Variants in RNF212 observed in about 807,000 individuals in gnomAD.
The protein encoded by RNF212 is probable E3 SUMO-protein ligase RNF212.
RNF212 carries 33 observed loss-of-function variants against 34.7 expected under a neutral mutation model. The observed-to-expected ratio is 0.95, with a 90% CI of 0.72 to 1.27. The LOEUF is 1.27. Among genes scored for constraint, RNF212 ranks in the 50% most tolerant of loss-of-function variants. The pLI is 0.00. For missense variants in RNF212, 377 were observed against 362.2 expected, an observed-to-expected ratio of 1.04 and a Z score of -0.33; for synonymous variants, 140 against 136.1, an observed-to-expected ratio of 1.03 and a Z score of -0.20.
At chr4:1,067,878 A>G (rs2153034214), downstream of RNF212, among the ~76,000 whole-genome samples, 1 of 152,198 alleles carries the variant, frequency 6.6e-6, no homozygotes, top group African/African-American at 2.4e-5. Flanking sequence ...AAAAAAAAAA[A>G]AAAAAAAGAA....
intron 1 of RNF212, among the ~76,000 whole-genome samples, chr4:1,109,122 C>T: frequency 6.6e-6 from 1 of 151,608 alleles, no homozygotes; most frequent in East Asian, 1.9e-4. Context: ...ATTCTCATGC[C>T]TCAGGCTCCC....
intron 8 of RNF212, among the ~76,000 whole-genome samples, chr4:1,078,754 A>C (rs1017706892): frequency 1.3e-5 from 2 of 152,230 alleles, no homozygotes; most frequent in African/African-American, 2.4e-5. Flanking sequence ...CGCAGGATCA[A>C]CACAGAACCA....
rs532900941 is a variant in RNF212 at position 1,084,951 on chromosome 4, T to C, written c.362+945A>G. Among the ~76,000 whole-genome samples, 149 of 152,324 alleles carry C rather than the reference T, an allele frequency of 9.8e-4. 1 individual carries two copies. Among genetic ancestry groups the C allele is most frequent in the African/African-American group, 3.5e-3 (146 of 41,574 alleles). On this transcript the variant is annotated intron_variant, in intron 5 of 9. Transcript: ENST00000433731. Reference sequence around the variant, plus strand: ...GAGCAAGGCCACCAGCCAGTGTGACTGGCGTCACCAGCTTCCCACAGGCCC... The same window carrying C: ...GAGCAAGGCCACCAGCCAGTGTGACCGGCGTCACCAGCTTCCCACAGGCCC...
chr4:1,111,859 A>G (rs1315166439), intron 1 of RNF212, among the ~76,000 whole-genome samples: 1 of 152,232 alleles, frequency 6.6e-6, no homozygotes, highest in Non-Finnish European at 1.5e-5. Flanking sequence ...AGTGGAAACG[A>G]TGAGTAACTT....
intron 2 of RNF212, among the ~76,000 whole-genome samples, chr4:1,103,444 A>G (rs1295501404): frequency 6.6e-6 from 1 of 152,220 alleles, no homozygotes; most frequent in Admixed American, 6.5e-5. Flanking sequence ...CATTACAAGA[A>G]AAAAAACTTA....
chr4:1,111,923 A>C (rs1031281076), intron 1 of RNF212, among the ~76,000 whole-genome samples: 1 of 152,254 alleles, frequency 6.6e-6, no homozygotes, highest in Admixed American at 6.5e-5. Flanking sequence ...GATGAACTAC[A>C]GTTACATACA....
intron 3 of RNF212, chr4:1,093,579 G>C: frequency 6.5e-7 from 1 of 1,536,076 alleles, no homozygotes; most frequent in Admixed American, 2.0e-5. Context: ...AGGCACGAGA[G>C]GCAGAGCAGA....
intron 2 of RNF212, among the ~76,000 whole-genome samples, chr4:1,105,756 G>A (rs537020703): frequency 6.6e-6 from 1 of 152,166 alleles, no homozygotes; most frequent in African/African-American, 2.4e-5. Flanking sequence ...TTCCACCGCA[G>A]GTCAGGGTCA....
intron 2 of RNF212, among the ~76,000 whole-genome samples, chr4:1,105,054 G>A (rs1348860144): frequency 6.6e-6 from 1 of 152,188 alleles, no homozygotes; most frequent in East Asian, 1.9e-4. Flanking sequence ...ATCAAGTGAA[G>A]CGAGGCAGAA....
At chr4:1,110,087 G>A (rs955689501) in intron 1 of RNF212, among the ~76,000 whole-genome samples, 6 of 152,112 alleles carry the variant, frequency 3.9e-5, no homozygotes, top group Non-Finnish European at 8.8e-5. Context: ...TAACAGAGCC[G>A]ACTCATAAAA....
intron 2 of RNF212, among the ~76,000 whole-genome samples, chr4:1,107,057 T>A (rs1329181986): frequency 7.0e-6 from 1 of 143,130 alleles, no homozygotes; most frequent in East Asian, 2.0e-4. Flanking sequence ...GAAGATACCA[T>A]TTTTTTTTTT....
chr4:1,088,415 T>G (rs1012121910), intron 4 of RNF212, among the ~76,000 whole-genome samples: 1 of 152,158 alleles, frequency 6.6e-6, no homozygotes, highest in Non-Finnish European at 1.5e-5. Flanking sequence ...TGACCTGGCT[T>G]TTTCTGAAGC....
chr4:1,061,829 C>T (rs1289384340), intron 3 of RNF212, among the ~76,000 whole-genome samples: 2 of 152,210 alleles, frequency 1.3e-5, no homozygotes, highest in Non-Finnish European at 2.9e-5. Flanking sequence ...GATAAAAATA[C>T]AAGAATCCAG....
intron 3 of RNF212, among the ~76,000 whole-genome samples, chr4:1,091,716 C>T (rs1296626464): frequency 3.3e-5 from 5 of 152,240 alleles, no homozygotes; most frequent in Non-Finnish European, 7.3e-5. Context: ...TCCCAACCTC[C>T]TCCATGAGAG....
chr4:1,073,110 T>C lies in RNF212; in HGVS notation c.658A>G (p.Arg220Gly). Residue 220 changes from arginine to glycine, a missense_variant, in exon 10 of 10, where the codon AGA becomes GGA. Arg to Gly is a moderately radical substitution (Grantham distance 125, BLOSUM62 -2). Coordinates refer to ENST00000433731, the MANE Select transcript of RNF212 (RefSeq NM_001131034.4). ...PPVPGECVIS[R>G]GSPCFCIDVC... Reference sequence around the variant, plus strand: ...TCTATGCAGAAACATGGTGAACCTCTGGAAATGACACACTCTCCGGGCACA... The same window carrying C: ...TCTATGCAGAAACATGGTGAACCTCCGGAAATGACACACTCTCCGGGCACA... The C allele has an allele frequency of 6.2e-7, 1 of 1,614,120 alleles. No individual in the cohort carries two copies. The highest frequency in any genetic ancestry group is 8.5e-7 in the Non-Finnish European group (1 of 1,180,022).
chr4:1,090,079 G>A lies in RNF212; in HGVS notation c.303+703C>T, dbSNP rs376709037. ...TGGTGGTAGCAAGATGGCCTGAGTG[G>A]TGACAGGATGGGGTAAGGGTGACAG... On this transcript the variant is annotated intron_variant, in intron 4 of 9. Transcript: ENST00000433731. 7.9e-5 allele frequency among the ~76,000 whole-genome samples: 12 copies of A among 151,172 alleles called. No individual in the cohort carries two copies. In the East Asian group the frequency reaches 2.0e-3, roughly 25 times the overall value.
rs777405762 is a variant in RNF212, at chr4:1,113,339, G to T, written c.109+17C>A. 6.9e-7 allele frequency: 1 copy of T among 1,449,046 alleles called. No individual in the cohort carries two copies. Among genetic ancestry groups the T allele is most frequent in the Non-Finnish European group, 9.1e-7 (1 of 1,093,968 alleles). 89.8% of individuals were successfully genotyped at this position (1,449,046 alleles called of 1,614,324 possible). ...CGCTCCCCTCCCCTCTCCAGCCTGC[G>T]TTCGGGAAGCCCTGACCTTTGCCGA... On this transcript the variant is annotated intron_variant, in intron 1 of 9. Coordinates refer to ENST00000433731, the MANE Select transcript of RNF212 (RefSeq NM_001131034.4).
chr4:1,111,984 TGATTG>T (rs942581999), intron 1 of RNF212, among the ~76,000 whole-genome samples: 9 of 152,100 alleles, frequency 5.9e-5, no homozygotes, highest in Admixed American at 3.9e-4. Context: ...CCAAGGCCGG[TGATTG>T]TTAGAGGACA....
At chr4:1,075,229 C>T (rs1321933613) in intron 8 of RNF212, among the ~76,000 whole-genome samples, 2 of 152,172 alleles carry the variant, frequency 1.3e-5, no homozygotes, top group African/African-American at 4.8e-5. Context: ...CATGTTTGCT[C>T]TTTGGATTCT....
Sources: allele counts gnomAD v4.1 joint callset (sites outside exome capture counted in the v4.1 genomes callset), GRCh38; gene constraint gnomAD v4.1.1; transcripts MANE v1.5; gene names NCBI Gene and HGNC (gene_info 2026-07-23, HGNC 2026-07-21).